PIGN: variants seen among roughly 807,000 people sequenced by gnomAD.
PIGN encodes the protein phosphatidylinositol glycan anchor biosynthesis class N, also known as GPI ethanolamine phosphate transferase 1.
In PIGN, 117 loss-of-function variants were observed where a neutral mutation model predicts 125.4. The observed-to-expected ratio is 0.93, with a 90% confidence interval of 0.80 to 1.09. The LOEUF is 1.09. PIGN is among the 50% of genes least tolerant of loss of function. The pLI, the probability that PIGN is intolerant of heterozygous loss-of-function variation, is 0.00. For synonymous variants in PIGN, 392 were observed against 377.8 expected (o/e 1.04, Z -0.44); for missense variants, 1,075 against 1,094.9 (o/e 0.98, Z 0.26).
intron 1 of PIGN, among the ~76,000 whole-genome samples, chr18:62,172,283 T>G (rs2037369599): frequency 6.6e-6 from 1 of 152,174 alleles, no homozygotes; most frequent in Non-Finnish European, 1.5e-5. Context: ...TTATCCCTTT[T>G]TCCTGTCCTG....
intron 30 of PIGN, among the ~76,000 whole-genome samples, chr18:62,046,727 G>A (rs2030739617): frequency 6.6e-6 from 1 of 151,834 alleles, no homozygotes. Context: ...TATTGTTTAG[G>A]GAATAATAGA....
intron 30 of PIGN, among the ~76,000 whole-genome samples, chr18:62,048,102 G>A (rs2030888961): frequency 6.6e-6 from 1 of 152,074 alleles, no homozygotes; most frequent in South Asian, 2.1e-4. Context: ...AACTGAGGGG[G>A]CACAGGAAAG....
Position 62,042,322 on chromosome 18 carries a change from A to G in PIGN, c.*3534T>C, listed in dbSNP as rs906966342. The G allele has an allele frequency of 2.3e-4, 35 of 151,648 alleles. No individual in the cohort carries two copies. The highest frequency in any genetic ancestry group is 8.2e-4 in the African/African-American group (34 of 41,336). 9.4% of individuals were successfully genotyped at this position (151,648 alleles called of 1,614,324 possible). On this transcript the variant is annotated 3_prime_UTR_variant, in exon 31 of 31. Coordinates refer to ENST00000640252, the MANE Select transcript of PIGN (RefSeq NM_176787.5). ...GGCGAGAGAGCCAGAGTCTGTCTTG[A>G]AAAAAAAAGAAAGAAAGAAAAAAGA...
intron 30 of PIGN, among the ~76,000 whole-genome samples, chr18:62,054,480 T>C (rs1202163360): frequency 6.7e-6 from 1 of 150,130 alleles, no homozygotes; most frequent in Non-Finnish European, 1.5e-5. Flanking sequence ...AAATACTTTT[T>C]TTTTTCCTAT....
chr18:62,078,072 T>G (rs1251713977), intron 28 of PIGN, among the ~76,000 whole-genome samples: 1 of 152,190 alleles, frequency 6.6e-6, no homozygotes, highest in Non-Finnish European at 1.5e-5. Context: ...GTCTCCAAAT[T>G]TAGTCATATT....
rs2033088996 is a variant in PIGN, at chr18:62,074,828, A to AG, written c.2577-8_2577-7insC. On this transcript the variant is annotated splice_polypyrimidine_tract_variant and splice_region_variant and intron_variant, in intron 28 of 30. Coordinates refer to ENST00000640252, the MANE Select transcript of PIGN (RefSeq NM_176787.5). ...GAGAACAATGAGAAAAAGGCTGGAAAAAAAAAGAAGGAAAAATTACATCTA... is the reference window on the plus strand; with the variant it reads ...GAGAACAATGAGAAAAAGGCTGGAAAGAAAAAAGAAGGAAAAATTACATCTA... 3 of 1,602,538 alleles carry AG rather than the reference A, an allele frequency of 1.9e-6. No homozygotes were observed. Among genetic ancestry groups the AG allele is most frequent in the Middle Eastern group, 1.7e-4 (1 of 6,030 alleles).
intron 30 of PIGN, among the ~76,000 whole-genome samples, chr18:62,068,995 C>T (rs950204704): frequency 6.6e-6 from 1 of 152,198 alleles, no homozygotes; most frequent in African/African-American, 2.4e-5. Context: ...GGCCTGCTCA[C>T]GGATCTGCTT....
chr18:62,140,510 T>G, intron 11 of PIGN, 31 bp from the exon 12 acceptor site: 1 of 1,124,240 alleles, frequency 8.9e-7, no homozygotes, highest in Non-Finnish European at 1.3e-6. Context: ...TTCTAAGAAG[T>G]CTATGGACAT....
chr18:62,120,606 A>G (rs1328332300), intron 14 of PIGN, among the ~76,000 whole-genome samples: 1 of 152,118 alleles, frequency 6.6e-6, no homozygotes, highest in Non-Finnish European at 1.5e-5. Context: ...TATGAAAGTT[A>G]TTTAAAGTTA....
At chr18:62,024,146 GTTAA>G (rs1301704240) in intron 23 of PIGN, among the ~76,000 whole-genome samples, 1 of 152,182 alleles carries the variant, frequency 6.6e-6, no homozygotes, top group Non-Finnish European at 1.5e-5. Context: ...GCTGATGCAT[GTTAA>G]TTAATTCCTT....
At chr18:62,164,475 G>A (rs774952783) in intron 1 of PIGN, among the ~76,000 whole-genome samples, 13 of 152,142 alleles carry the variant, frequency 8.5e-5, no homozygotes, top group Non-Finnish European at 1.5e-4. Context: ...AAGCAAGCAC[G>A]CCTTACCATG....
intron 1 of PIGN, 105 bp from the exon 2 acceptor site, chr18:62,163,761 G>A (rs1364298321): frequency 6.6e-6 from 1 of 152,118 alleles, no homozygotes; most frequent in South Asian, 2.1e-4. Context: ...TATTCACAGT[G>A]TTGTACAACC....
chr18:62,138,508 T>C (rs1188595066), intron 13 of PIGN, among the ~76,000 whole-genome samples: 1 of 152,188 alleles, frequency 6.6e-6, no homozygotes, highest in Non-Finnish European at 1.5e-5. Context: ...CATATCAATC[T>C]TGCAAAGTAA....
At chr18:62,053,699 C>T (rs1317495663) in intron 30 of PIGN, among the ~76,000 whole-genome samples, 1 of 152,072 alleles carries the variant, frequency 6.6e-6, no homozygotes, top group African/African-American at 2.4e-5. Flanking sequence ...ATTGATAGAA[C>T]AACAACACTG....
intron 23 of PIGN, among the ~76,000 whole-genome samples, chr18:62,032,604 A>C (rs527940648): frequency 5.3e-5 from 8 of 152,372 alleles, no homozygotes; most frequent in African/African-American, 1.9e-4. Flanking sequence ...AAAAATCTAC[A>C]GATGCTCTTA....
In PIGN at chr18:62,113,165, T is replaced by C. The variant is rs1243490700; in HGVS notation, c.1403A>G (p.Asn468Ser). 5 of 1,611,644 alleles carry C rather than the reference T, an allele frequency of 3.1e-6. No homozygotes were observed. The highest frequency in any genetic ancestry group is 4.2e-6 in the Non-Finnish European group (5 of 1,178,680). ...ASLLIIKSHS[N>S]LIKGVSKEVK... ...TTCTTTACTAACACCTTTTATAAGG[T>C]TGGAATGAGACTTGATGATCAACAA... is the stretch of plus-strand genomic sequence containing the variant. Residue 468 changes from asparagine (N) to serine (S), a missense_variant, in exon 16 of 31, where the codon AAC becomes AGC. Around this residue, in one of 3 missense-constraint regions of PIGN, gnomAD observed 915 missense variants for 908.7 expected, o/e 1.01. Transcript: ENST00000640252.
At chr18:62,162,553 A>G (rs1442799446) in intron 2 of PIGN, 1 of 152,174 alleles carries the variant, frequency 6.6e-6, no homozygotes, top group East Asian at 1.9e-4. Flanking sequence ...CACTCATCAA[A>G]GTCAAGCAGA....
chr18:62,102,851 A>C lies in PIGN; in HGVS notation c.1911T>G (p.Ser637=). The change falls in exon 21 of 31, where the codon TCT becomes TCG. Residue 637 remains serine, a synonymous_variant. Transcript: ENST00000640252. ...VLLLSLCVVT[S]LMKRKDSFIK... Reference sequence around the variant, plus strand: ...TAAAGCTATCTTTTCTTTTCATGAGAGATGTTACAACACACAGGGATAACA... The same window carrying C: ...TAAAGCTATCTTTTCTTTTCATGAGCGATGTTACAACACACAGGGATAACA... The C allele has an allele frequency of 6.3e-7, 1 of 1,587,830 alleles. No homozygotes were observed. The highest frequency in any genetic ancestry group is 8.6e-7 in the Non-Finnish European group (1 of 1,165,824).
intron 23 of PIGN, among the ~76,000 whole-genome samples, chr18:62,020,168 G>T (rs1423469540): frequency 6.6e-6 from 1 of 152,214 alleles, no homozygotes; most frequent in African/African-American, 2.4e-5. Flanking sequence ...GCCTGAACGG[G>T]TCTGGAGATG....
Sources: gnomAD v4.1 joint callset for allele counts (sites outside exome capture counted in the v4.1 genomes callset) on GRCh38, gnomAD v4.1.1 for gene constraint, gnomAD v4.1.1 regional missense constraint, MANE v1.5 for transcripts, NCBI Gene and HGNC (gene_info 2026-07-23, HGNC 2026-07-21) for gene names.